UNC13B: variants seen among roughly 807,000 people sequenced by gnomAD.
UNC13B encodes the protein protein unc-13 homolog B.
A neutral mutation model predicts 211.0 loss-of-function variants in UNC13B; 144 were observed. The ratio of observed to expected loss-of-function variants is 0.68; its 90% CI spans 0.60 to 0.78. UNC13B has a LOEUF of 0.78. Ranked by LOEUF, UNC13B falls within the 30% of genes least tolerant of loss-of-function variation. The pLI is 0.00. For missense variants in UNC13B, 1,777 were observed against 2,002.0 expected (o/e 0.89, Z 2.14); for synonymous variants, 709 against 725.8 (o/e 0.98, Z 0.37).
intron 11 of UNC13B, among the ~76,000 whole-genome samples, chr9:35,323,667 C>T (rs534489399): frequency 2.0e-5 from 3 of 152,306 alleles, no homozygotes; most frequent in African/African-American, 7.2e-5. Flanking sequence ...ATATTCTCTA[C>T]CTTCTGACCT....
At chr9:35,311,808 T>C (rs566339243) in intron 10 of UNC13B, among the ~76,000 whole-genome samples, 1 of 152,238 alleles carries the variant, frequency 6.6e-6, no homozygotes, top group South Asian at 2.1e-4. Context: ...GGCCTAGCAA[T>C]GTGTCTGCCA....
In UNC13B at chr9:35,398,246, G is replaced by A. The variant is rs768565700; in HGVS notation, c.11790G>A (p.Arg3930=). ...TGATGAACAACGTGCAGCAACTGAG[G>A]GTCCAGCTGGAGAAAATGTTTGAGG... The part of the protein sequence containing the change: ...CILMNNVQQL[R]VQLEKMFEAM... The change falls in exon 31 of 40, where the codon AGG becomes AGA. Residue 3930 remains arginine (R), a synonymous_variant. Transcript: ENST00000635942. The A allele has an allele frequency of 6.8e-6, 11 of 1,613,822 alleles. No homozygotes were observed. In the South Asian group the frequency reaches 9.9e-5, roughly 15 times the overall value.
intron 1 of UNC13B, among the ~76,000 whole-genome samples, chr9:35,186,574 A>C (rs374019775): frequency 6.6e-6 from 1 of 151,478 alleles, no homozygotes; most frequent in Admixed American, 6.6e-5. Context: ...AGAAACAAAG[A>C]GAAAGGAAAA....
chr9:35,182,476 A>T lies in UNC13B; in HGVS notation c.22+20171A>T, dbSNP rs570542550. Among the ~76,000 whole-genome samples, 9 of 150,486 alleles carry T rather than the reference A, an allele frequency of 6.0e-5. No homozygotes were observed. The South Asian group carries it at 1.3e-3, about 21-fold the overall frequency. On this transcript the variant is annotated intron_variant, in intron 1 of 39. Transcript: ENST00000635942. ...TTTATTTTTATTTATTTTTATTTTT[A>T]TTTTTTTTAGTATTTATTGATCATT...
At chr9:35,188,893 T>C (rs1056990209) in intron 1 of UNC13B, among the ~76,000 whole-genome samples, 6 of 152,200 alleles carry the variant, frequency 3.9e-5, no homozygotes, top group Non-Finnish European at 8.8e-5. Flanking sequence ...AATTTGACCA[T>C]GAGGTGCAAT....
chr9:35,343,007 T>C (rs1832108144), intron 11 of UNC13B, among the ~76,000 whole-genome samples: 1 of 152,274 alleles, frequency 6.6e-6, no homozygotes, highest in Admixed American at 6.5e-5. Flanking sequence ...AAAAGTCATC[T>C]TGAGTTTTCT....
intron 11 of UNC13B, among the ~76,000 whole-genome samples, chr9:35,355,689 A>G (rs7874267): frequency 0.024 from 3,583 of 152,298 alleles, 134 homozygotes; most frequent in African/African-American, 0.082. Flanking sequence ...GAATTTACCT[A>G]TTCTTCAACA....
chr9:35,345,048 A>G (rs1203344241), intron 11 of UNC13B, among the ~76,000 whole-genome samples: 3 of 152,318 alleles, frequency 2.0e-5, no homozygotes, highest in South Asian at 4.1e-4. Flanking sequence ...AATGAGTTCT[A>G]TGAAGGAAAT....
intron 11 of UNC13B, among the ~76,000 whole-genome samples, chr9:35,336,005 A>G (rs1476860480): frequency 6.6e-6 from 1 of 152,056 alleles, no homozygotes; most frequent in African/African-American, 2.4e-5. Flanking sequence ...GCCTGGCCCC[A>G]TCTTTGATTT....
At chr9:35,285,284 A>G (rs1564113156) in intron 7 of UNC13B, among the ~76,000 whole-genome samples, 1 of 152,184 alleles carries the variant, frequency 6.6e-6, no homozygotes. Flanking sequence ...AGGAAATTCT[A>G]TAGCTGTGTT....
chr9:35,397,874 A>G (rs1034152072), intron 30 of UNC13B, among the ~76,000 whole-genome samples, 162 bp downstream of exon 30: 1 of 152,146 alleles, frequency 6.6e-6, no homozygotes, highest in Non-Finnish European at 1.5e-5. Context: ...CGAGAACTTG[A>G]CAGAGTTCCT....
chr9:35,184,581 G>A (rs575054220), intron 1 of UNC13B, among the ~76,000 whole-genome samples: 86 of 152,238 alleles, frequency 5.6e-4, no homozygotes, highest in Middle Eastern at 3.4e-3. Flanking sequence ...GGCAGCGCAC[G>A]CCTGCAATCC....
At chr9:35,188,359 C>T (rs903445203) in intron 1 of UNC13B, among the ~76,000 whole-genome samples, 7 of 152,314 alleles carry the variant, frequency 4.6e-5, no homozygotes, top group African/African-American at 1.7e-4. Flanking sequence ...GCAAGACTGA[C>T]AAATAAGTTT....
chr9:35,333,299 T>A (rs983991959), intron 11 of UNC13B, among the ~76,000 whole-genome samples: 2 of 152,172 alleles, frequency 1.3e-5, no homozygotes. Flanking sequence ...CTCAAAAAAA[T>A]TAATTTTTCT....
At chr9:35,181,178 A>G (rs780960048) in intron 1 of UNC13B, among the ~76,000 whole-genome samples, 1 of 152,168 alleles carries the variant, frequency 6.6e-6, no homozygotes, top group Non-Finnish European at 1.5e-5. Context: ...TTTTATTTTC[A>G]TTCAAAAAAT....
At chr9:35,248,672 G>T (rs1471716008) in intron 6 of UNC13B, among the ~76,000 whole-genome samples, 6 of 152,190 alleles carry the variant, frequency 3.9e-5, no homozygotes, top group Admixed American at 2.0e-4. Context: ...GGTTTTGAAT[G>T]AGTTTATTAC....
At chr9:35,260,570 T>G (rs780773563) in intron 7 of UNC13B, among the ~76,000 whole-genome samples, 16 of 152,208 alleles carry the variant, frequency 1.1e-4, no homozygotes, top group African/African-American at 2.9e-4. Flanking sequence ...TTGCCTTCAA[T>G]TTGGTACATT....
chr9:35,306,927 G>C lies in UNC13B; in HGVS notation c.7523G>C (p.Gly2508Ala), dbSNP rs187781904. The C allele has an allele frequency of 4.9e-4, 194 of 398,894 alleles. No homozygotes were observed. Among genetic ancestry groups the C allele is most frequent in the Non-Finnish European group, 7.5e-4 (169 of 226,038 alleles). The allele number at this position is 398,894 out of a possible 1,614,324, so 24.7% of individuals were successfully genotyped here. ...ASDVSSQPLK[G>A]ELFGIFKSPK... ...GATGTATCATCTCAGCCCCTCAAAGGTGAATTATTTGGAATTTTCAAAAGT... is the reference window on the plus strand; with the variant it reads ...GATGTATCATCTCAGCCCCTCAAAGCTGAATTATTTGGAATTTTCAAAAGT... Residue 2508 changes from glycine to alanine, a missense_variant, in exon 9 of 40, where the codon GGT becomes GCT. By Grantham distance (60) the Gly-to-Ala change is moderately conservative. Coordinates refer to ENST00000635942, the MANE Select transcript of UNC13B (RefSeq NM_001371189.2).
intron 1 of UNC13B, among the ~76,000 whole-genome samples, chr9:35,164,807 T>C (rs1227814775): frequency 6.6e-6 from 1 of 152,252 alleles, no homozygotes; most frequent in Admixed American, 6.5e-5. Context: ...TGAAAACTTC[T>C]TCAGGTCCCC....
Sources: allele counts gnomAD v4.1 joint callset (sites outside exome capture counted in the v4.1 genomes callset), GRCh38; gene constraint gnomAD v4.1.1; transcripts MANE v1.5; gene names NCBI Gene and HGNC (gene_info 2026-07-23, HGNC 2026-07-21).